The following GPHN variants were observed in gnomAD, a reference collection of about 807,000 sequenced individuals.
GPHN encodes gephyrin.
In GPHN, 17 loss-of-function variants were observed where a neutral mutation model predicts 95.5. That is an observed-to-expected ratio of 0.18 (90% CI 0.12 to 0.27). GPHN has a LOEUF of 0.27. Among genes scored for constraint, GPHN ranks in the 10% least tolerant of loss-of-function variants. The pLI is 1.00. For synonymous variants in GPHN, 320 were observed against 322.5 expected (o/e 0.99, Z 0.08); for missense variants, 660 against 978.1 (o/e 0.67, Z 4.34).
intron 9 of GPHN, among the ~76,000 whole-genome samples, chr14:67,019,842 T>G (rs2153623315): frequency 6.6e-6 from 1 of 152,242 alleles, no homozygotes; most frequent in South Asian, 2.1e-4. Flanking sequence ...CCTGGCTTCT[T>G]TAAAATAAGC....
intron 21 of GPHN, among the ~76,000 whole-genome samples, chr14:67,172,704 C>G (rs1419316862): frequency 6.6e-6 from 1 of 152,148 alleles, no homozygotes; most frequent in Non-Finnish European, 1.5e-5. Context: ...GTCTGAGCAG[C>G]TGAGAAACAC....
At chr14:67,428,443 T>C in the GPHN span, among the ~76,000 whole-genome samples, 2 of 152,266 alleles carry the variant, frequency 1.3e-5, no homozygotes, top group Non-Finnish European at 2.9e-5. Context: ...TGCTTGTACA[T>C]ATTTAATCTT....
the GPHN span, among the ~76,000 whole-genome samples, chr14:67,671,008 C>T: frequency 6.6e-6 from 1 of 152,124 alleles, no homozygotes; most frequent in African/African-American, 2.4e-5. Context: ...CATTAAAGCT[C>T]TGAAAACTTT....
At chr14:67,159,915 A>G (rs533500522) in intron 19 of GPHN, among the ~76,000 whole-genome samples, 1 of 152,218 alleles carries the variant, frequency 6.6e-6, no homozygotes, top group East Asian at 1.9e-4. Context: ...CAAATTCTAG[A>G]TATGTCATTT....
intron 1 of GPHN, among the ~76,000 whole-genome samples, chr14:66,676,329 A>G (rs1301135664): frequency 6.6e-6 from 1 of 152,036 alleles, no homozygotes; most frequent in Non-Finnish European, 1.5e-5. Context: ...TTTTCTTACA[A>G]GGAATTCCAG....
At chr14:67,352,877 T>C in the GPHN span, 30 of 1,352,176 alleles carry the variant, frequency 2.2e-5, no homozygotes, top group Non-Finnish European at 3.0e-5. Context: ...AGGGCCATGC[T>C]GGATTTTTCT....
intron 1 of GPHN, among the ~76,000 whole-genome samples, chr14:66,583,364 T>G (rs1426263572): frequency 6.6e-6 from 1 of 152,176 alleles, no homozygotes; most frequent in African/African-American, 2.4e-5. Context: ...TAGTTTCTTT[T>G]GCTGTGCAGA....
chr14:67,112,034 G>C, intron 15 of GPHN, 115 bp downstream of exon 15: 1 of 821,012 alleles, frequency 1.2e-6, no homozygotes, highest in Admixed American at 2.0e-5. Context: ...TTAATTTTCA[G>C]GGCTTTAACA....
chr14:67,692,841 C>T, the GPHN span: 1 of 1,053,208 alleles, frequency 9.5e-7, no homozygotes, highest in East Asian at 2.4e-5. Context: ...TTCTTGAATT[C>T]CAAAACTGGG....
intron 8 of GPHN, among the ~76,000 whole-genome samples, chr14:66,961,900 G>GTGTGTATATATA (rs1177915817): frequency 2.5e-4 from 13 of 53,004 alleles, no homozygotes; most frequent in African/African-American, 5.9e-4. Context: ...CCCTGAATGT[G>GTGTGTATATATA]TATATATATA....
At chr14:67,549,459 CG>C in the GPHN span, among the ~76,000 whole-genome samples, 2 of 151,994 alleles carry the variant, frequency 1.3e-5, no homozygotes, top group Non-Finnish European at 2.9e-5. Flanking sequence ...TTAGTAGCGA[CG>C]GGGTTTCACC....
intron 20 of GPHN, among the ~76,000 whole-genome samples, chr14:67,166,473 A>C (rs1384703532): frequency 6.6e-6 from 1 of 152,190 alleles, no homozygotes; most frequent in Non-Finnish European, 1.5e-5. Context: ...AGATGTTATA[A>C]AATTAAAACC....
the GPHN span, chr14:67,390,827 C>T: frequency 4.0e-6 from 4 of 997,016 alleles, no homozygotes; most frequent in African/African-American, 4.8e-5. Flanking sequence ...TAATGCCAAA[C>T]CCCCAACAAG....
intron 1 of GPHN, among the ~76,000 whole-genome samples, chr14:66,623,474 T>C (rs1377514206): frequency 6.6e-6 from 1 of 152,032 alleles, no homozygotes; most frequent in African/African-American, 2.4e-5. Flanking sequence ...AAAAATTGGC[T>C]GGGTGTGGTG....
At chr14:66,622,520 C>T (rs1157388410) in intron 1 of GPHN, among the ~76,000 whole-genome samples, 1 of 152,170 alleles carries the variant, frequency 6.6e-6, no homozygotes, top group Non-Finnish European at 1.5e-5. Context: ...TTTTCTTTCG[C>T]ATTGTCAGGC....
At chr14:67,409,748 C>T in the GPHN span, among the ~76,000 whole-genome samples, 4 of 152,196 alleles carry the variant, frequency 2.6e-5, no homozygotes, top group Non-Finnish European at 5.9e-5. Flanking sequence ...CTCTGCACTC[C>T]GGCTTCCAAC....
At chr14:67,214,388 A>G in the GPHN span, among the ~76,000 whole-genome samples, 454 of 152,322 alleles carry the variant, frequency 3.0e-3, 1 homozygote, top group Non-Finnish European at 5.3e-3. Flanking sequence ...ACATATGGCT[A>G]GCCAGTTTTC....
intron 2 of GPHN, among the ~76,000 whole-genome samples, chr14:66,689,428 T>C (rs953809027): frequency 1.3e-5 from 2 of 152,212 alleles, no homozygotes; most frequent in African/African-American, 4.8e-5. Context: ...GAATTATCTT[T>C]TTAATATGCT....
At chr14:66,625,739 G>A (rs1386096566) in intron 1 of GPHN, among the ~76,000 whole-genome samples, 1 of 152,044 alleles carries the variant, frequency 6.6e-6, no homozygotes, top group South Asian at 2.1e-4. Flanking sequence ...TCTGTTTCTT[G>A]CATTGTTTAT....
Sources: gnomAD v4.1 joint callset for allele counts (sites outside exome capture counted in the v4.1 genomes callset) on GRCh38, gnomAD v4.1.1 for gene constraint, MANE v1.5 for transcripts, NCBI Gene and HGNC (gene_info 2026-07-23, HGNC 2026-07-21) for gene names.